Variants in ABCB9 observed in about 807,000 individuals in gnomAD.
ABCB9 encodes the protein ABC-type oligopeptide transporter ABCB9.
ABCB9 carries 36 observed loss-of-function variants against 62.0 expected under a neutral mutation model. The ratio of observed to expected loss-of-function variants is 0.58; its 90% CI spans 0.45 to 0.77. The LOEUF is 0.77. ABCB9 is among the 30% of genes least tolerant of loss of function. ABCB9 has a pLI of 0.00. For missense variants in ABCB9, 943 were observed against 1,054.7 expected, an observed-to-expected ratio of 0.89 and a Z score of 1.47; for synonymous variants, 435 against 461.4, an observed-to-expected ratio of 0.94 and a Z score of 0.73.
chr12:122,960,508 C>T (rs2036836623), intron 1 of ABCB9, among the ~76,000 whole-genome samples, 186 bp from the exon 2 acceptor site: 1 of 152,158 alleles, frequency 6.6e-6, no homozygotes, highest in Non-Finnish European at 1.5e-5. Flanking sequence ...CCCACTGCGG[C>T]CAGGTGCTGT....
At chr12:122,931,324 C>CT (rs113551413) in intron 11 of ABCB9, 6,020 of 124,168 alleles carry the variant, frequency 0.048, 218 homozygotes, top group Middle Eastern at 0.077. Flanking sequence ...TGCGCCCAGC[C>CT]TTTTTTTTTT....
chr12:122,955,707 G>GT (rs1343720134), intron 2 of ABCB9, among the ~76,000 whole-genome samples: 15 of 149,296 alleles, frequency 1.0e-4, no homozygotes, highest in East Asian at 5.9e-4. Flanking sequence ...TTGGGTTTTT[G>GT]TTTTTTTGTT....
chr12:122,967,890 CTA>C (rs1458893520), upstream of ABCB9, among the ~76,000 whole-genome samples: 1 of 152,150 alleles, frequency 6.6e-6, no homozygotes. Flanking sequence ...ACTTACAACA[CTA>C]TGTTTTTTTT....
chr12:122,953,742 G>A (rs1259530537), intron 2 of ABCB9, among the ~76,000 whole-genome samples: 2 of 151,920 alleles, frequency 1.3e-5, no homozygotes, highest in South Asian at 4.1e-4. Flanking sequence ...GGCTGGTCTT[G>A]AACTCTTGAC....
At chr12:122,925,202 T>A (rs933099001), downstream of ABCB9, among the ~76,000 whole-genome samples, 14 of 152,178 alleles carry the variant, frequency 9.2e-5, no homozygotes, top group Admixed American at 6.5e-5. Context: ...ATTACAGATG[T>A]GAGCCACTGT....
In ABCB9 at chr12:122,930,018, C is replaced by G; in HGVS notation, c.2194G>C (p.Gly732Arg). ...GTHQQLLAQG[G>R]LYAKLVQRQM... ...CGCTGCACCAGCTTGGCGTAGAGGCCGCCCTGGGCCAGCAGCTGCTGGTGG... is the reference window on the plus strand; with the variant it reads ...CGCTGCACCAGCTTGGCGTAGAGGCGGCCCTGGGCCAGCAGCTGCTGGTGG... The change falls in exon 12 of 12, where the codon GGC (glycine) becomes CGC (arginine). Residue 732 changes from glycine (G) to arginine (R), a missense_variant. By Grantham distance (125) the Gly-to-Arg change is moderately radical. Transcript: ENST00000280560. This position sits in a 1 kb window ranked among gnomAD's most constrained non-coding sequence, Gnocchi z 4.9. The G allele has an allele frequency of 6.4e-7, 1 of 1,573,776 alleles. No homozygotes were observed. Among genetic ancestry groups the G allele is most frequent in the Non-Finnish European group, 8.6e-7 (1 of 1,161,256 alleles).
downstream of ABCB9, among the ~76,000 whole-genome samples, chr12:122,920,065 G>C (rs2034712164): frequency 6.6e-6 from 1 of 151,906 alleles, no homozygotes; most frequent in Non-Finnish European, 1.5e-5. Flanking sequence ...GTTTTTAGTA[G>C]AGATGAGTTT....
chr12:122,937,683 A>G (rs377566486), intron 9 of ABCB9, among the ~76,000 whole-genome samples: 34 of 152,242 alleles, frequency 2.2e-4, no homozygotes, highest in African/African-American at 7.7e-4. Flanking sequence ...ACCTCTGGTT[A>G]CATGCACATG....
intron 11 of ABCB9, chr12:122,931,826 T>C (rs2035183848): frequency 7.5e-6 from 2 of 265,246 alleles, no homozygotes; most frequent in African/African-American, 4.4e-5. Flanking sequence ...GTATTTCTAG[T>C]AGAGATGGGG....
chr12:122,968,969 C>T (rs1487098362), upstream of ABCB9, among the ~76,000 whole-genome samples: 2 of 152,140 alleles, frequency 1.3e-5, no homozygotes, highest in African/African-American at 4.8e-5. Context: ...TTCTCAAATC[C>T]TGGCCACTGC....
rs57853191 is a variant in ABCB9 at position 122,973,578 on chromosome 12, GAAAAAAAA to G, written c.-88+1129_-88+1136del. On this transcript the variant is annotated intron_variant, in intron 1 of 11. Transcript: ENST00000392439. ...AGAGCGAGACTCCGTCTCAAAAAAAGAAAAAAAAAAAAAAAAAAAAAAAAAAAAAAACA... is the reference window on the plus strand; with the variant it reads ...AGAGCGAGACTCCGTCTCAAAAAAAGAAAAAAAAAAAAAAAAAAAAAAACA... Among the ~76,000 whole-genome samples, 51 of 50,338 alleles carry G rather than the reference GAAAAAAAA, an allele frequency of 1.0e-3. 1 individual carries two copies. The South Asian group carries it at 0.012, about 12-fold the overall frequency. 33.0% of individuals were successfully genotyped at this position (50,338 alleles called of 152,430 possible).
At position 122,930,295 on chromosome 12, in the gene ABCB9, C is replaced by T; in HGVS notation, c.2041-124G>A. 9.9e-7 allele frequency: 1 copy of T among 1,014,992 alleles called. No individual in the cohort carries two copies. Among genetic ancestry groups the T allele is most frequent in the Admixed American group, 2.8e-5 (1 of 35,520 alleles). The allele number at this position is 1,014,992 out of a possible 1,614,324, so 62.9% of individuals were successfully genotyped here. The stretch of plus-strand genomic sequence containing the variant: ...GGCTCAGTTCACAAACGATGGCCAG[C>T]TTCCTGGGTTTTTCTTAAAGGGAGA... On this transcript the variant is annotated intron_variant, in intron 11 of 11. Transcript: ENST00000280560. The surrounding 1 kb of genome is among the most constrained non-coding windows in gnomAD (Gnocchi z 4.9).
At chr12:122,969,412 G>C (rs2037245797), upstream of ABCB9, among the ~76,000 whole-genome samples, 1 of 152,190 alleles carries the variant, frequency 6.6e-6, no homozygotes, top group Admixed American at 6.5e-5. Flanking sequence ...ACTTTAATTT[G>C]GTGAATTGTA....
chr12:122,945,423 T>G (rs950788592), intron 6 of ABCB9, among the ~76,000 whole-genome samples: 1 of 152,000 alleles, frequency 6.6e-6, no homozygotes, highest in Non-Finnish European at 1.5e-5. Context: ...TGCCAGACAC[T>G]GTCGGGAGTG....
chr12:122,930,125 A>G lies in ABCB9; in HGVS notation c.2087T>C (p.Ile696Thr). 1 of 1,554,590 alleles carries G rather than the reference A, an allele frequency of 6.4e-7. No individual in the cohort carries two copies. The highest frequency in any genetic ancestry group is 8.7e-7 in the Non-Finnish European group (1 of 1,148,920). The change falls in exon 12 of 12, where the codon ATC (isoleucine) becomes ACC (threonine). Residue 696 changes from isoleucine (I) to threonine (T), a missense_variant. By Grantham distance (89) the Ile-to-Thr change is moderately conservative (BLOSUM62 -1). Coordinates refer to ENST00000280560, the MANE Select transcript of ABCB9 (RefSeq NM_019625.4). This position sits in a 1 kb window ranked among gnomAD's most constrained non-coding sequence, Gnocchi z 4.9. ...HGNLQKHTVL[I>T]IAHRLSTVEH... is the part of the protein sequence containing the mutation. Reference sequence around the variant, plus strand: ...CACGGTGCTCAGCCGGTGCGCGATGATGAGTACCGTGTGCTTCTGCAGGTT... The same window carrying G: ...CACGGTGCTCAGCCGGTGCGCGATGGTGAGTACCGTGTGCTTCTGCAGGTT...
intron 10 of ABCB9, among the ~76,000 whole-genome samples, chr12:122,934,037 A>G (rs971248930): frequency 9.2e-5 from 14 of 152,180 alleles, no homozygotes; most frequent in African/African-American, 3.4e-4. Flanking sequence ...TGAGGTCAGG[A>G]GTTCAAGACC....
intron 9 of ABCB9, 160 bp downstream of exon 9, chr12:122,939,951 C>T (rs1054065027): frequency 9.5e-7 from 1 of 1,049,500 alleles, no homozygotes; most frequent in African/African-American, 1.6e-5. Flanking sequence ...CACGTCTGGA[C>T]AAGAATGTTC....
At chr12:122,967,425 T>TG (rs556134971), upstream of ABCB9, among the ~76,000 whole-genome samples, 94 of 152,156 alleles carry the variant, frequency 6.2e-4, 1 homozygote, top group East Asian at 0.016. Flanking sequence ...GGGAAGTGGG[T>TG]GGGGGAGTGG....
intron 2 of ABCB9, 151 bp from the exon 3 acceptor site, chr12:122,950,716 G>T: frequency 1.6e-6 from 1 of 619,094 alleles, no homozygotes; most frequent in Non-Finnish European, 2.8e-6. Flanking sequence ...CCATCGTGGG[G>T]CCCCAGGGTG....
Sources: allele counts gnomAD v4.1 joint callset (sites outside exome capture counted in the v4.1 genomes callset), GRCh38; gene constraint gnomAD v4.1.1; non-coding constraint Gnocchi (gnomAD v3.1); transcripts MANE v1.5; gene names NCBI Gene and HGNC (gene_info 2026-07-23, HGNC 2026-07-21).